ATP2A2: variants seen among roughly 807,000 people sequenced by gnomAD.
ATP2A2 encodes ATPase sarcoplasmic/endoplasmic reticulum Ca2+ transporting 2, also known as sarcoplasmic/endoplasmic reticulum calcium ATPase 2.
In ATP2A2, 14 loss-of-function variants were observed where a neutral mutation model predicts 109.3. That is an observed-to-expected ratio of 0.13 (90% CI 0.08 to 0.20). The LOEUF (loss-of-function observed/expected upper bound fraction) is 0.20, where lower values mean the gene tolerates loss of function less well. ATP2A2 is among the 10% of genes least tolerant of loss of function. ATP2A2 has a pLI of 1.00. For synonymous variants in ATP2A2, 506 were observed against 490.9 expected, an observed-to-expected ratio of 1.03 and a Z score of -0.41; for missense variants, 657 against 1,321.6, an observed-to-expected ratio of 0.50 and a Z score of 7.80.
chr12:110,348,167 AT>A lies in ATP2A2; in HGVS notation c.*1700del, dbSNP rs1207386800. On this transcript the variant is annotated 3_prime_UTR_variant, in exon 20 of 20. Transcript: ENST00000539276. Reference sequence around the variant, plus strand: ...GAGTCATCCCAGAACATTGCTACTTATTTATTAAAAAGCTAAAAACTAGTGA... The same window carrying A: ...GAGTCATCCCAGAACATTGCTACTTATTATTAAAAAGCTAAAAACTAGTGA... 38 of 985,350 alleles carry A rather than the reference AT, an allele frequency of 3.9e-5. No homozygotes were observed. The highest frequency in any genetic ancestry group is 6.1e-5 in the Admixed American group (1 of 16,266). The allele number at this position is 985,350 out of a possible 1,614,324, so 61.0% of individuals were successfully genotyped here.
At chr12:110,326,998 G>A (rs1178387736) in intron 7 of ATP2A2, among the ~76,000 whole-genome samples, 1 of 152,218 alleles carries the variant, frequency 6.6e-6, no homozygotes. Flanking sequence ...GGGTTTGTAT[G>A]AGAACCTGAC....
intron 5 of ATP2A2, among the ~76,000 whole-genome samples, chr12:110,304,381 T>C (rs1338608241): frequency 6.6e-6 from 1 of 152,222 alleles, no homozygotes; most frequent in East Asian, 1.9e-4. Context: ...TTCAGAATGG[T>C]GGTGATATTG....
chr12:110,341,532 G>A (rs1879351942), intron 14 of ATP2A2, among the ~76,000 whole-genome samples: 1 of 152,188 alleles, frequency 6.6e-6, no homozygotes, highest in Non-Finnish European at 1.5e-5. Flanking sequence ...AAACATGGGA[G>A]TGCTGTTTTT....
At chr12:110,300,670 A>G (rs1240580404) in intron 5 of ATP2A2, among the ~76,000 whole-genome samples, 1 of 148,076 alleles carries the variant, frequency 6.8e-6, no homozygotes, top group Admixed American at 6.7e-5. Context: ...TTTAAAGTAA[A>G]GATGGGGTCT....
Position 110,342,263 on chromosome 12 carries a change from GA to G in ATP2A2, c.2136del (p.Ala713ProfsTer44). The G allele has an allele frequency of 6.2e-7, 1 of 1,614,252 alleles. No individual in the cohort carries two copies. The highest frequency in any genetic ancestry group is 8.5e-7 in the Non-Finnish European group (1 of 1,180,052). Reference protein sequence around the residue: ...DGVNDAPALKKAEIGIAMGSG... With the variant: ...DGVNDAPALKXAEIGIAMGSG... ...GCGTGAACGATGCTCCTGCTCTGAA[GA>G]AAGCCGAGATTGGCATTGCTATGGG... is the stretch of plus-strand genomic sequence containing the variant. On this transcript the variant is annotated frameshift_variant, in exon 15 of 20. Transcript: ENST00000539276. LOFTEE classifies it high-confidence loss of function. This position sits in a 1 kb window ranked among gnomAD's most constrained non-coding sequence, Gnocchi z 4.6.
Position 110,339,188 on chromosome 12 carries a change from G to T in ATP2A2, c.1420-93G>T. The T allele has an allele frequency of 6.5e-7, 1 of 1,529,266 alleles. No individual in the cohort carries two copies. The highest frequency in any genetic ancestry group is 9.0e-7 in the Non-Finnish European group (1 of 1,109,224). The allele number at this position is 1,529,266 out of a possible 1,614,324, so 94.7% of individuals were successfully genotyped here. ...TGTTTTGTTTATTGCTATATTCCTAGCATCTGTCATGTAATAGGTGTGCTT... is the reference window on the plus strand; with the variant it reads ...TGTTTTGTTTATTGCTATATTCCTATCATCTGTCATGTAATAGGTGTGCTT... On this transcript the variant is annotated intron_variant, in intron 11 of 19. Transcript: ENST00000539276. This position sits in a 1 kb window ranked among gnomAD's most constrained non-coding sequence, Gnocchi z 4.4.
chr12:110,295,264 T>C (rs746868636), intron 4 of ATP2A2, among the ~76,000 whole-genome samples: 2 of 151,998 alleles, frequency 1.3e-5, no homozygotes, highest in Non-Finnish European at 2.9e-5. Flanking sequence ...GCAGGCTTAG[T>C]GATCCTCCCA....
chr12:110,334,964 G>A (rs938374383), intron 11 of ATP2A2, among the ~76,000 whole-genome samples: 3 of 149,142 alleles, frequency 2.0e-5, no homozygotes, highest in Non-Finnish European at 4.5e-5. Flanking sequence ...GGTGGTGGCA[G>A]TGGCAGTGGC....
chr12:110,294,505 C>T (rs1340477330), intron 4 of ATP2A2, among the ~76,000 whole-genome samples: 1 of 152,010 alleles, frequency 6.6e-6, no homozygotes, highest in Non-Finnish European at 1.5e-5. Context: ...ACTAAAAATA[C>T]AGAAAGTTAG....
intron 4 of ATP2A2, 45 bp from the exon 5 acceptor site, chr12:110,296,554 A>G: frequency 1.9e-6 from 3 of 1,612,114 alleles, no homozygotes; most frequent in Non-Finnish European, 2.5e-6. Context: ...AAATAATTGC[A>G]GTGTCAGGCA....
intron 5 of ATP2A2, among the ~76,000 whole-genome samples, chr12:110,297,912 T>G (rs1229570219): frequency 6.6e-6 from 1 of 152,048 alleles, no homozygotes; most frequent in Non-Finnish European, 1.5e-5. Context: ...GCAGCCATAT[T>G]TCTGACAGTC....
At chr12:110,304,742 A>T (rs1488336926) in intron 5 of ATP2A2, among the ~76,000 whole-genome samples, 1 of 152,154 alleles carries the variant, frequency 6.6e-6, no homozygotes, top group East Asian at 1.9e-4. Flanking sequence ...TTTGTAACAT[A>T]CAAGTTTTTA....
chr12:110,320,424 A>G (rs1192488693), intron 5 of ATP2A2, among the ~76,000 whole-genome samples: 1 of 152,236 alleles, frequency 6.6e-6, no homozygotes, highest in Non-Finnish European at 1.5e-5. Context: ...CCAAAGGAAC[A>G]TTTGGAAATA....
In ATP2A2 at chr12:110,348,313, G is replaced by A. The variant is rs1002482967; in HGVS notation, c.*1843G>A. On this transcript the variant is annotated 3_prime_UTR_variant, in exon 20 of 20. Coordinates refer to ENST00000539276, the MANE Select transcript of ATP2A2 (RefSeq NM_170665.4). ...TCCTTGGTGGCTAAGACTTAGCTCT[G>A]CAGGGGATGTTAAAGCACAGTTAGT... 2 of 985,142 alleles carry A rather than the reference G, an allele frequency of 2.0e-6. No homozygotes were observed. Among genetic ancestry groups the A allele is most frequent in the East Asian group, 1.1e-4 (1 of 8,816 alleles). The allele number at this position is 985,142 out of a possible 1,614,324, so 61.0% of individuals were successfully genotyped here.
Position 110,307,925 on chromosome 12 carries a change from T to C in ATP2A2, c.463+11188T>C, listed in dbSNP as rs534830289. Among the ~76,000 whole-genome samples, 11 of 152,338 alleles carry C rather than the reference T, an allele frequency of 7.2e-5. No individual in the cohort carries two copies. In the East Asian group the frequency reaches 1.5e-3, roughly 21 times the overall value. ...GTCATAAATTCTTTGCTTAGGGCAG[T>C]GTTGAGAAGAGTATTTCCTAGGTTT... On this transcript the variant is annotated intron_variant, in intron 5 of 19. Coordinates refer to ENST00000539276, the MANE Select transcript of ATP2A2 (RefSeq NM_170665.4).
chr12:110,294,337 C>T (rs1360278257), intron 4 of ATP2A2, among the ~76,000 whole-genome samples: 1 of 152,104 alleles, frequency 6.6e-6, no homozygotes, highest in African/African-American at 2.4e-5. Flanking sequence ...GCCACTGTGC[C>T]TGGCCTTCTT....
intron 5 of ATP2A2, among the ~76,000 whole-genome samples, chr12:110,313,365 T>C (rs978378449): frequency 8.2e-5 from 11 of 134,886 alleles, no homozygotes; most frequent in Non-Finnish European, 1.4e-4. Flanking sequence ...CAGGCTGGAG[T>C]GCAGTGGAAT....
chr12:110,342,359 G>T lies in ATP2A2; in HGVS notation c.2229G>T (p.Val743=), dbSNP rs1879437580. The T allele has an allele frequency of 2.5e-6, 4 of 1,614,098 alleles. No homozygotes were observed. Among genetic ancestry groups the T allele is most frequent in the Middle Eastern group, 1.6e-4 (1 of 6,068 alleles). Residue 743 remains valine, a synonymous_variant, in exon 15 of 20, where the codon GTG becomes GTT. Transcript: ENST00000539276. The surrounding 1 kb of genome is among the most constrained non-coding windows in gnomAD (Gnocchi z 4.6). ...VLADDNFSTI[V]AAVEEGRAIY... is the part of the protein sequence containing the mutation. ...CGGATGACAACTTCTCCACCATTGT[G>T]GCTGCCGTTGAGGAGGGGCGGGCAA...
intron 4 of ATP2A2, chr12:110,295,854 C>T (rs1337689842): frequency 6.6e-6 from 1 of 152,292 alleles, no homozygotes. Context: ...TTGGTCTTTA[C>T]AACTGGAGGG....
Sources: gnomAD v4.1 joint callset for allele counts (sites outside exome capture counted in the v4.1 genomes callset) on GRCh38, gnomAD v4.1.1 for gene constraint, Gnocchi (gnomAD v3.1) non-coding constraint, MANE v1.5 for transcripts, NCBI Gene and HGNC (gene_info 2026-07-23, HGNC 2026-07-21) for gene names.